DPYD: variants seen among roughly 807,000 people sequenced by gnomAD.
DPYD encodes dihydropyrimidine dehydrogenase, also known as dihydropyrimidine dehydrogenase [NADP(+)].
In DPYD, 109 loss-of-function variants were observed where a neutral mutation model predicts 116.2. That is an observed-to-expected ratio of 0.94 (90% CI 0.80 to 1.10). The LOEUF is 1.10. Ranked by LOEUF, DPYD falls within the 50% of genes least tolerant of loss-of-function variation. DPYD has a pLI of 0.00. For synonymous variants in DPYD, 440 were observed against 432.0 expected (o/e 1.02, Z -0.23); for missense variants, 1,302 against 1,254.5 (o/e 1.04, Z -0.57).
chr1:97,889,771 C>T (rs549087402), intron 1 of DPYD, among the ~76,000 whole-genome samples: 5 of 152,022 alleles, frequency 3.3e-5, no homozygotes, highest in Admixed American at 2.0e-4. Context: ...AACAGACATC[C>T]ATATAACACT....
intron 12 of DPYD, among the ~76,000 whole-genome samples, chr1:97,540,365 A>G (rs1650347354): frequency 1.0e-5 from 1 of 99,688 alleles, no homozygotes; most frequent in African/African-American, 4.5e-5. Context: ...CAGGGAACAA[A>G]ACAAAACAAA....
chr1:97,239,726 T>A (rs1304001732), intron 18 of DPYD, among the ~76,000 whole-genome samples: 1 of 152,104 alleles, frequency 6.6e-6, no homozygotes, highest in Admixed American at 6.6e-5. Context: ...GAGAGACAAC[T>A]GGGCCAACTG....
At position 97,337,355 on chromosome 1, in the gene DPYD, G is replaced by A. The variant is rs146236925; in HGVS notation, c.2059-31058C>T. 9.4e-3 allele frequency among the ~76,000 whole-genome samples: 1,437 copies of A among 152,264 alleles called. 14 individuals are homozygous for A. The highest frequency in any genetic ancestry group is 0.017 in the Non-Finnish European group (1,123 of 68,020). On this transcript the variant is annotated intron_variant, in intron 16 of 22. Coordinates refer to ENST00000370192, the MANE Select transcript of DPYD (RefSeq NM_000110.4). Reference sequence around the variant, plus strand: ...AGCAGAAACAAATATTCCCAGGTGAGTCAGAGCTGGGAGGAAGCAGAATTC... The same window carrying A: ...AGCAGAAACAAATATTCCCAGGTGAATCAGAGCTGGGAGGAAGCAGAATTC...
At chr1:97,541,042 T>G (rs1398000616) in intron 12 of DPYD, among the ~76,000 whole-genome samples, 1 of 152,208 alleles carries the variant, frequency 6.6e-6, no homozygotes. Context: ...TTAACCAAGT[T>G]GGTTGCATCT....
intron 16 of DPYD, among the ~76,000 whole-genome samples, chr1:97,336,345 G>T (rs1669281826): frequency 6.6e-6 from 1 of 152,172 alleles, no homozygotes; most frequent in South Asian, 2.1e-4. Context: ...ATGATTTAAA[G>T]AACTAAGTCT....
At chr1:97,830,934 G>T in intron 2 of DPYD, among the ~76,000 whole-genome samples, 1 of 152,142 alleles carries the variant, frequency 6.6e-6, no homozygotes, top group East Asian at 1.9e-4. Context: ...GGCATATTCT[G>T]CCTTGATGTG....
In DPYD at chr1:97,107,709, CTAAG is replaced by C. The variant is rs1331116724; in HGVS notation, c.2623-9081_2623-9078del. Among the ~76,000 whole-genome samples, 45 of 152,180 alleles carry C rather than the reference CTAAG, an allele frequency of 3.0e-4. No individual in the cohort carries two copies. In the Middle Eastern group the frequency reaches 0.017, roughly 58 times the overall value. On this transcript the variant is annotated intron_variant, in intron 20 of 22. Coordinates refer to ENST00000370192, the MANE Select transcript of DPYD (RefSeq NM_000110.4). The stretch of plus-strand genomic sequence containing the variant: ...ACAACAACACTGAGGGGCATAAAGA[CTAAG>C]TAACTTGCTACAATTAATTCAAATC...
At chr1:97,161,401 A>C (rs1280438214) in intron 20 of DPYD, among the ~76,000 whole-genome samples, 1 of 152,110 alleles carries the variant, frequency 6.6e-6, no homozygotes, top group East Asian at 1.9e-4. Flanking sequence ...GTTCTAATAC[A>C]TTAGGACCCT....
chr1:97,297,880 C>G (rs1282363325), intron 18 of DPYD, among the ~76,000 whole-genome samples: 1 of 152,178 alleles, frequency 6.6e-6, no homozygotes, highest in East Asian at 1.9e-4. Context: ...TTTCAAAGGA[C>G]TAGTGATATC....
At chr1:97,228,293 C>T (rs528141101) in intron 19 of DPYD, among the ~76,000 whole-genome samples, 2 of 152,104 alleles carry the variant, frequency 1.3e-5, no homozygotes, top group East Asian at 3.9e-4. Flanking sequence ...TATGCGCTAT[C>T]ACACTTATGC....
chr1:97,732,927 TA>T (rs1303776980), intron 4 of DPYD, among the ~76,000 whole-genome samples: 31 of 152,160 alleles, frequency 2.0e-4, no homozygotes, highest in African/African-American at 7.5e-4. Context: ...AGAAAAAAGC[TA>T]GGATACTTTG....
chr1:97,909,300 A>C (rs1433132325), intron 1 of DPYD, among the ~76,000 whole-genome samples: 1 of 152,012 alleles, frequency 6.6e-6, no homozygotes, highest in East Asian at 1.9e-4. Flanking sequence ...ACCTTATATT[A>C]TCAATCCTAT....
intron 5 of DPYD, among the ~76,000 whole-genome samples, chr1:97,705,498 G>T (rs867429860): frequency 6.6e-6 from 1 of 152,030 alleles, no homozygotes; most frequent in Non-Finnish European, 1.5e-5. Flanking sequence ...ATTCCATGGT[G>T]TATATGTGCC....
At chr1:97,342,537 C>A (rs1307464761) in intron 16 of DPYD, among the ~76,000 whole-genome samples, 2 of 152,210 alleles carry the variant, frequency 1.3e-5, no homozygotes, top group East Asian at 1.9e-4. Context: ...CAATGTACAG[C>A]CAATTATAAC....
chr1:97,875,085 G>GT (rs1396185569), intron 2 of DPYD, among the ~76,000 whole-genome samples: 1 of 151,850 alleles, frequency 6.6e-6, no homozygotes, highest in East Asian at 1.9e-4. Flanking sequence ...TTAAATGAAT[G>GT]TATGTTATAC....
At chr1:97,689,491 G>A (rs61789255) in intron 7 of DPYD, among the ~76,000 whole-genome samples, 18,378 of 151,928 alleles carry the variant, frequency 0.12, 1,200 homozygotes, top group Middle Eastern at 0.14. Flanking sequence ...AAGTAAAAGA[G>A]AAAGTAGAAG....
At chr1:97,896,349 A>G (rs1673070689) in intron 1 of DPYD, among the ~76,000 whole-genome samples, 1 of 151,824 alleles carries the variant, frequency 6.6e-6, no homozygotes, top group South Asian at 2.1e-4. Context: ...AAAGTGAAAA[A>G]GAGAAACATT....
rs78147556 is a variant in DPYD at position 97,782,699 on chromosome 1, G to A, written c.234-42220C>T. Among the ~76,000 whole-genome samples the A allele has an allele frequency of 3.7e-4, 56 of 152,324 alleles. No individual in the cohort carries two copies. The East Asian group carries it at 0.01, about 28-fold the overall frequency. ...AACTCAGAAATTGACCACAAATTCA[G>A]TGCTACTTTATATGACAATCCCTTC... On this transcript the variant is annotated intron_variant, in intron 3 of 22. Coordinates refer to ENST00000370192, the MANE Select transcript of DPYD (RefSeq NM_000110.4).
chr1:97,338,091 T>A (rs887917708), intron 16 of DPYD, among the ~76,000 whole-genome samples: 2 of 152,206 alleles, frequency 1.3e-5, no homozygotes, highest in Admixed American at 1.3e-4. Context: ...CAGAGTTTTA[T>A]ACATGAAGTA....
Sources: gnomAD v4.1 joint callset for allele counts (sites outside exome capture counted in the v4.1 genomes callset) on GRCh38, gnomAD v4.1.1 for gene constraint, MANE v1.5 for transcripts, NCBI Gene and HGNC (gene_info 2026-07-23, HGNC 2026-07-21) for gene names.